ZBTB20: variants seen among roughly 807,000 people sequenced by gnomAD.
The protein encoded by ZBTB20 is zinc finger and BTB domain containing 20, also known as zinc finger and BTB domain-containing protein 20.
ZBTB20 carries 9 observed loss-of-function variants against 56.9 expected under a neutral mutation model. That is an observed-to-expected ratio of 0.16 (90% CI 0.10 to 0.28). The LOEUF is 0.28. ZBTB20 is among the 10% of genes least tolerant of loss of function. The probability of loss-of-function intolerance (pLI) is 1.00; values close to 1 mark genes in which losing one functional copy is unlikely to be tolerated. For missense variants in ZBTB20, 655 were observed against 1,003.0 expected, an observed-to-expected ratio of 0.65 and a Z score of 4.69; for synonymous variants, 417 against 420.7, an observed-to-expected ratio of 0.99 and a Z score of 0.11.
In ZBTB20 at chr3:114,315,287, C is replaced by T. The variant is rs1174213953; in HGVS notation, c.*23718G>A. 6.6e-6 allele frequency: 1 copy of T among 152,154 alleles called. No homozygotes were observed. Among genetic ancestry groups the T allele is most frequent in the African/African-American group, 2.4e-5 (1 of 41,424 alleles). The allele number at this position is 152,154 out of a possible 1,614,324, so 9.4% of individuals were successfully genotyped here. Reference sequence around the variant, plus strand: ...CCCAGGTTCCTCTTAGGAAATTAACCTTTCAATTTAAAGCTCTCTTTCCTT... The same window carrying T: ...CCCAGGTTCCTCTTAGGAAATTAACTTTTCAATTTAAAGCTCTCTTTCCTT... On this transcript the variant is annotated 3_prime_UTR_variant, in exon 12 of 12. Coordinates refer to ENST00000675478, the MANE Select transcript of ZBTB20 (RefSeq NM_001348800.3).
chr3:114,922,898 C>T (rs2076014208), intron 3 of ZBTB20, among the ~76,000 whole-genome samples: 2 of 152,134 alleles, frequency 1.3e-5, no homozygotes, highest in Non-Finnish European at 2.9e-5. Context: ...TCTCATTAGG[C>T]CTGATAGCTA....
chr3:114,807,840 T>A (rs1204807801), intron 4 of ZBTB20, among the ~76,000 whole-genome samples: 1 of 152,118 alleles, frequency 6.6e-6, no homozygotes, highest in Non-Finnish European at 1.5e-5. Flanking sequence ...CTGGGATAAA[T>A]CCTCTGTGGT....
chr3:114,900,598 C>T (rs1337090155), intron 3 of ZBTB20: 1 of 151,796 alleles, frequency 6.6e-6, no homozygotes, highest in Non-Finnish European at 1.5e-5. Context: ...CTCTGACTCA[C>T]CATGGCCTCT....
chr3:114,708,939 C>A (rs1237165047), intron 5 of ZBTB20, among the ~76,000 whole-genome samples: 1 of 151,756 alleles, frequency 6.6e-6, no homozygotes, highest in Non-Finnish European at 1.5e-5. Context: ...TCATCTATAC[C>A]AACCTTCCTT....
chr3:114,595,002 C>T (rs2056186052), intron 6 of ZBTB20, among the ~76,000 whole-genome samples: 1 of 152,156 alleles, frequency 6.6e-6, no homozygotes, highest in African/African-American at 2.4e-5. Context: ...GTCATAAATC[C>T]ATTTATACTT....
intron 2 of ZBTB20, among the ~76,000 whole-genome samples, chr3:114,977,755 G>A (rs2078162662): frequency 6.6e-6 from 1 of 152,100 alleles, no homozygotes; most frequent in African/African-American, 2.4e-5. Context: ...TACATACACA[G>A]TGGTATATAA....
At chr3:114,357,374 T>A (rs1441698869) in intron 10 of ZBTB20, 1 of 152,242 alleles carries the variant, frequency 6.6e-6, no homozygotes, top group East Asian at 1.9e-4. Flanking sequence ...GCTTTTTTAG[T>A]CACTACTTAT....
At chr3:114,655,093 T>C (rs2060322696) in intron 6 of ZBTB20, among the ~76,000 whole-genome samples, 1 of 152,148 alleles carries the variant, frequency 6.6e-6, no homozygotes, top group Admixed American at 6.5e-5. Context: ...TTCAGCCTAA[T>C]ACTCTCTCTT....
chr3:114,917,240 T>G (rs1401793130), intron 3 of ZBTB20, among the ~76,000 whole-genome samples: 1 of 152,228 alleles, frequency 6.6e-6, no homozygotes, highest in Non-Finnish European at 1.5e-5. Flanking sequence ...TCAATCTATT[T>G]GTTAAATTTG....
intron 7 of ZBTB20, among the ~76,000 whole-genome samples, chr3:114,475,473 C>CA (rs1179509542): frequency 6.6e-6 from 1 of 152,118 alleles, no homozygotes; most frequent in Non-Finnish European, 1.5e-5. Context: ...GTGCACGACT[C>CA]ACAATATTTG....
chr3:114,514,740 C>T (rs937272346), intron 6 of ZBTB20, among the ~76,000 whole-genome samples: 11 of 151,864 alleles, frequency 7.2e-5, no homozygotes, highest in African/African-American at 1.2e-4. Flanking sequence ...AAAGGGAGAG[C>T]GAGGGCCAGA....
chr3:115,046,869 T>G (rs1219375730), intron 2 of ZBTB20, among the ~76,000 whole-genome samples: 1 of 152,036 alleles, frequency 6.6e-6, no homozygotes, highest in Non-Finnish European at 1.5e-5. Context: ...AGAGTATGGG[T>G]TTTTAGTGAT....
intron 4 of ZBTB20, among the ~76,000 whole-genome samples, chr3:114,827,654 T>C (rs1011688509): frequency 9.2e-5 from 14 of 151,694 alleles, no homozygotes; most frequent in Non-Finnish European, 1.8e-4. Context: ...TCAAAGGTCA[T>C]GTGAGGGGGA....
At chr3:114,790,789 T>A (rs2070903628) in intron 5 of ZBTB20, among the ~76,000 whole-genome samples, 2 of 151,784 alleles carry the variant, frequency 1.3e-5, no homozygotes, top group East Asian at 1.9e-4. Context: ...TTTTTTTTTT[T>A]AATTTGAGAG....
chr3:114,557,924 G>A (rs1376901102), intron 6 of ZBTB20, among the ~76,000 whole-genome samples: 1 of 151,926 alleles, frequency 6.6e-6, no homozygotes, highest in Non-Finnish European at 1.5e-5. Context: ...ATTTCAGTTG[G>A]TTGACAAGGA....
chr3:114,684,034 A>G (rs1396315549), intron 6 of ZBTB20, among the ~76,000 whole-genome samples: 2 of 152,120 alleles, frequency 1.3e-5, no homozygotes, highest in Non-Finnish European at 2.9e-5. Context: ...ATTCCAAACA[A>G]GTTGTCTCCT....
At chr3:114,634,384 C>T (rs974263473) in intron 6 of ZBTB20, among the ~76,000 whole-genome samples, 3 of 152,100 alleles carry the variant, frequency 2.0e-5, no homozygotes, top group African/African-American at 7.2e-5. Context: ...AATTAAATAG[C>T]TATAGACCCA....
At chr3:115,055,069 T>G (rs1399684744) in intron 2 of ZBTB20, among the ~76,000 whole-genome samples, 1 of 152,136 alleles carries the variant, frequency 6.6e-6, no homozygotes, top group Non-Finnish European at 1.5e-5. Flanking sequence ...ATGTACACAA[T>G]GCAGGTCCCA....
intron 5 of ZBTB20, among the ~76,000 whole-genome samples, chr3:114,789,641 A>C (rs2070795756): frequency 6.6e-6 from 1 of 152,168 alleles, no homozygotes. Flanking sequence ...TTAGAATTAT[A>C]AATAGCAAAA....
Sources: allele counts gnomAD v4.1 joint callset (sites outside exome capture counted in the v4.1 genomes callset), GRCh38; gene constraint gnomAD v4.1.1; transcripts MANE v1.5; gene names NCBI Gene and HGNC (gene_info 2026-07-23, HGNC 2026-07-21).